UBE2O: variants seen among roughly 807,000 people sequenced by gnomAD.
The protein encoded by UBE2O is ubiquitin conjugating enzyme E2 O.
In UBE2O, 15 loss-of-function variants were observed where a neutral mutation model predicts 125.8. The ratio of observed to expected loss-of-function variants is 0.12; its 90% CI spans 0.08 to 0.18. The LOEUF (loss-of-function observed/expected upper bound fraction) is 0.18, where lower values mean the gene tolerates loss of function less well. Among genes scored for constraint, UBE2O ranks in the 10% least tolerant of loss-of-function variants. The pLI is 1.00. For synonymous variants in UBE2O, 708 were observed against 703.2 expected, an observed-to-expected ratio of 1.01 and a Z score of -0.11; for missense variants, 1,280 against 1,723.6, an observed-to-expected ratio of 0.74 and a Z score of 4.56.
At chr17:76,407,476 A>G (rs1013874228) in intron 1 of UBE2O, among the ~76,000 whole-genome samples, 3 of 152,220 alleles carry the variant, frequency 2.0e-5, no homozygotes, top group Non-Finnish European at 4.4e-5. Flanking sequence ...CAGAGAAGCC[A>G]GAAGCGGCAG....
At chr17:76,444,468 C>T (rs4789296) in intron 1 of UBE2O, among the ~76,000 whole-genome samples, 93,341 of 152,014 alleles carry the variant, frequency 0.61, 29,308 homozygotes, top group South Asian at 0.69. Flanking sequence ...GCCCAGGAGG[C>T]GGAGGCTGCA....
In UBE2O at chr17:76,405,314, G is replaced by A. The variant is rs1171755560; in HGVS notation, c.480C>T (p.Asp160=). ...RDVVRHMRST[D]SQCGTVIDVN... is the part of the protein sequence containing the mutation. ...CGTCGATCACCGTGCCACACTGACT[G>A]TCCTGGGGGAGGGAGGAGACATGCA... The change falls in exon 3 of 18, where the codon GAC becomes GAT. Residue 160 remains aspartate, a splice_region_variant and synonymous_variant. Transcript: ENST00000319380. The surrounding 1 kb of genome is among the most constrained non-coding windows in gnomAD (Gnocchi z 6.1). 6.2e-7 allele frequency: 1 copy of A among 1,608,014 alleles called. No individual in the cohort carries two copies. Among genetic ancestry groups the A allele is most frequent in the South Asian group, 1.1e-5 (1 of 90,768 alleles).
intron 1 of UBE2O, among the ~76,000 whole-genome samples, chr17:76,447,976 G>T (rs2073177357): frequency 6.6e-6 from 1 of 152,176 alleles, no homozygotes; most frequent in Admixed American, 6.5e-5. Context: ...GATCATATCG[G>T]GGTTAGGAAG....
intron 1 of UBE2O, among the ~76,000 whole-genome samples, chr17:76,451,885 G>A (rs2073251758): frequency 6.6e-6 from 1 of 152,008 alleles, no homozygotes; most frequent in Admixed American, 6.6e-5. Context: ...ATGATGACAA[G>A]CCTCTTTGTT....
At chr17:76,428,326 G>A (rs1598611957) in intron 1 of UBE2O, among the ~76,000 whole-genome samples, 1 of 152,102 alleles carries the variant, frequency 6.6e-6, no homozygotes, top group African/African-American at 2.4e-5. Context: ...AATAATTCTT[G>A]TTTCTCTGAT....
At chr17:76,419,877 C>A (rs2072679238) in intron 1 of UBE2O, among the ~76,000 whole-genome samples, 1 of 152,238 alleles carries the variant, frequency 6.6e-6, no homozygotes, top group African/African-American at 2.4e-5. Flanking sequence ...ACCTCAGAGT[C>A]TGAGAAAGAA....
chr17:76,422,379 A>G (rs1288069248), intron 1 of UBE2O, among the ~76,000 whole-genome samples: 1 of 152,142 alleles, frequency 6.6e-6, no homozygotes, highest in African/African-American at 2.4e-5. Context: ...CACAGACACA[A>G]CCTGCTCTGT....
At chr17:76,403,127 GA>G (rs1421627546) in intron 3 of UBE2O, among the ~76,000 whole-genome samples, 1 of 152,108 alleles carries the variant, frequency 6.6e-6, no homozygotes, top group Non-Finnish European at 1.5e-5. Flanking sequence ...CAAGGATATC[GA>G]GAGCCAAGTC....
intron 1 of UBE2O, among the ~76,000 whole-genome samples, chr17:76,444,277 C>A (rs185548554): frequency 6.6e-6 from 1 of 151,312 alleles, no homozygotes; most frequent in Non-Finnish European, 1.5e-5. Flanking sequence ...AGCTAGGCAC[C>A]GTGGCTCACG....
chr17:76,435,683 T>G (rs1311763767), intron 1 of UBE2O, among the ~76,000 whole-genome samples: 1 of 152,178 alleles, frequency 6.6e-6, no homozygotes. Context: ...TCATGGACAC[T>G]AAGCAATCAC....
intron 1 of UBE2O, among the ~76,000 whole-genome samples, chr17:76,451,375 G>C (rs2073239483): frequency 6.6e-6 from 1 of 152,162 alleles, no homozygotes; most frequent in East Asian, 1.9e-4. Flanking sequence ...AAGTCTCAGA[G>C]CTGTTGCCTG....
At position 76,395,991 on chromosome 17, in the gene UBE2O, C is replaced by T; in HGVS notation, c.2810-130G>A. ...GCTGCTGGCCTCAGCACTGTGACCA[C>T]ACAGGGAAATGGTTTGCCCTGGGGC... On this transcript the variant is annotated intron_variant, in intron 14 of 17. Coordinates refer to ENST00000319380, the MANE Select transcript of UBE2O (RefSeq NM_022066.4). This position sits in a 1 kb window ranked among gnomAD's most constrained non-coding sequence, Gnocchi z 5.0. 4 of 1,509,238 alleles carry T rather than the reference C, an allele frequency of 2.7e-6. No individual in the cohort carries two copies. The highest frequency in any genetic ancestry group is 3.6e-6 in the Non-Finnish European group (4 of 1,106,772). The allele number at this position is 1,509,238 out of a possible 1,614,324, so 93.5% of individuals were successfully genotyped here.
At position 76,396,931 on chromosome 17, in the gene UBE2O, A is replaced by C; in HGVS notation, c.2116-110T>G. ...CGCACAGCTGATGGCGACTGGGCTCATGAGGCCTTGGCAACCTCATTCCAC... is the reference window on the plus strand; with the variant it reads ...CGCACAGCTGATGGCGACTGGGCTCCTGAGGCCTTGGCAACCTCATTCCAC... On this transcript the variant is annotated intron_variant, in intron 13 of 17. Coordinates refer to ENST00000319380, the MANE Select transcript of UBE2O (RefSeq NM_022066.4). The surrounding 1 kb of genome is among the most constrained non-coding windows in gnomAD (Gnocchi z 6.7). 1.0e-6 allele frequency: 1 copy of C among 993,302 alleles called. No individual in the cohort carries two copies. Among genetic ancestry groups the C allele is most frequent in the Non-Finnish European group, 1.5e-6 (1 of 687,006 alleles). The allele number at this position is 993,302 out of a possible 1,614,324, so 61.5% of individuals were successfully genotyped here. A position where few individuals can be genotyped will look rare whatever the true frequency, so the allele number is the denominator to read the frequency against.
chr17:76,428,614 T>C (rs1042209410), intron 1 of UBE2O, among the ~76,000 whole-genome samples: 1 of 152,244 alleles, frequency 6.6e-6, no homozygotes, highest in Non-Finnish European at 1.5e-5. Context: ...TTGCTTTCTC[T>C]GGCCTCTACC....
intron 1 of UBE2O, among the ~76,000 whole-genome samples, chr17:76,424,694 G>A (rs906862775): frequency 4.0e-5 from 6 of 151,762 alleles, no homozygotes; most frequent in African/African-American, 7.3e-5. Context: ...GGGCAACAGA[G>A]TAAGACCCTA....
At chr17:76,417,728 C>T (rs2072640141) in intron 1 of UBE2O, among the ~76,000 whole-genome samples, 1 of 152,040 alleles carries the variant, frequency 6.6e-6, no homozygotes, top group African/African-American at 2.4e-5. Flanking sequence ...CTAAGCATGT[C>T]CAGGGGCAGG....
chr17:76,402,235 G>A lies in UBE2O; in HGVS notation c.687-108C>T, dbSNP rs2072339777. 5.1e-6 allele frequency: 5 copies of A among 984,044 alleles called. No homozygotes were observed. Among genetic ancestry groups the A allele is most frequent in the Middle Eastern group, 2.1e-4 (1 of 4,668 alleles). The allele number at this position is 984,044 out of a possible 1,614,324, so 61.0% of individuals were successfully genotyped here. A position where few individuals can be genotyped will look rare whatever the true frequency, so the allele number is the denominator to read the frequency against. On this transcript the variant is annotated intron_variant, in intron 4 of 17. Coordinates refer to ENST00000319380, the MANE Select transcript of UBE2O (RefSeq NM_022066.4). The surrounding 1 kb of genome is among the most constrained non-coding windows in gnomAD (Gnocchi z 5.4). ...CCACATGCCCTAAATAGCACAATTC[G>A]TCTTCTACCATCAACTCAGCCCGAG...
At chr17:76,443,326 T>C (rs1473173805) in intron 1 of UBE2O, among the ~76,000 whole-genome samples, 1 of 152,202 alleles carries the variant, frequency 6.6e-6, no homozygotes, top group African/African-American at 2.4e-5. Flanking sequence ...TCTCACTCTG[T>C]CGCCCAGGCT....
intron 1 of UBE2O, among the ~76,000 whole-genome samples, chr17:76,415,493 G>A (rs1163314255): frequency 6.6e-6 from 1 of 152,112 alleles, no homozygotes; most frequent in Non-Finnish European, 1.5e-5. Flanking sequence ...GGACCAATTG[G>A]AACCATGCTG....
Sources: gnomAD v4.1 joint callset for allele counts (sites outside exome capture counted in the v4.1 genomes callset) on GRCh38, gnomAD v4.1.1 for gene constraint, Gnocchi (gnomAD v3.1) non-coding constraint, MANE v1.5 for transcripts, NCBI Gene and HGNC (gene_info 2026-07-23, HGNC 2026-07-21) for gene names.